Variants in NDUFB5 observed in about 807,000 individuals in gnomAD.
The protein encoded by NDUFB5 is NADH:ubiquinone oxidoreductase subunit B5, also known as NADH dehydrogenase [ubiquinone] 1 beta subcomplex subunit 5, mitochondrial.
Under a neutral mutation model 19.4 loss-of-function variants are expected in NDUFB5, and 19 were observed. The observed-to-expected ratio is 0.98, with a 90% CI of 0.68 to 1.43. The LOEUF is 1.43. Among genes scored for constraint, NDUFB5 ranks in the 40% most tolerant of loss-of-function variants. The probability of loss-of-function intolerance (pLI) is 0.00; values close to 1 mark genes in which losing one functional copy is unlikely to be tolerated. For synonymous variants in NDUFB5, 80 were observed against 82.6 expected (o/e 0.97, Z 0.17); for missense variants, 233 against 236.5 (o/e 0.99, Z 0.10).
Position 179,624,120 on chromosome 3 carries a change from C to T in NDUFB5, c.*80C>T, listed in dbSNP as rs565616650. The T allele has an allele frequency of 5.0e-5, 65 of 1,312,048 alleles. No individual in the cohort carries two copies. The highest frequency in any genetic ancestry group is 2.7e-4 in the Middle Eastern group (1 of 3,642). The allele number at this position is 1,312,048 out of a possible 1,614,324, so 81.3% of individuals were successfully genotyped here. ...AAATATATTCTGTATTTTTGCTCTC[C>T]GTGAAAAACAAAAGAGCCTCTGACA... On this transcript the variant is annotated 3_prime_UTR_variant, in exon 6 of 6. Transcript: ENST00000259037.
rs2339846 is a variant in NDUFB5 at position 179,624,859 on chromosome 3, T to A, written c.*819T>A. On this transcript the variant is annotated 3_prime_UTR_variant, in exon 6 of 6. Coordinates refer to ENST00000259037, the MANE Select transcript of NDUFB5 (RefSeq NM_002492.4). Reference sequence around the variant, plus strand: ...TCACCCAGGCTAGAGTGCAGTGCCGTGATCTCGGCTGCAACCTCCGCCTCC... The same window carrying A: ...TCACCCAGGCTAGAGTGCAGTGCCGAGATCTCGGCTGCAACCTCCGCCTCC... The A allele has an allele frequency of 1.4e-5, 2 of 147,688 alleles. No homozygotes were observed. Among genetic ancestry groups the A allele is most frequent in the Non-Finnish European group, 3.0e-5 (2 of 67,448 alleles). 9.1% of individuals were successfully genotyped at this position (147,688 alleles called of 1,614,324 possible). A position where few individuals can be genotyped will look rare whatever the true frequency, so the allele number is the denominator to read the frequency against.
At chr3:179,609,569 G>A (rs1719187121) in intron 1 of NDUFB5, among the ~76,000 whole-genome samples, 1 of 152,194 alleles carries the variant, frequency 6.6e-6, no homozygotes. Flanking sequence ...TGTCTCAGCA[G>A]AATTGCTTTC....
At chr3:179,608,345 C>T (rs1719157675) in intron 1 of NDUFB5, among the ~76,000 whole-genome samples, 1 of 152,046 alleles carries the variant, frequency 6.6e-6, no homozygotes, top group South Asian at 2.1e-4. Context: ...GTGCACACCT[C>T]CATGCCCGGC....
In NDUFB5 at chr3:179,623,904, G is replaced by T. The variant is rs756014784; in HGVS notation, c.450-16G>T. 10 of 1,613,236 alleles carry T rather than the reference G, an allele frequency of 6.2e-6. No homozygotes were observed. Among genetic ancestry groups the T allele is most frequent in the Non-Finnish European group, 8.5e-6 (10 of 1,179,716 alleles). On this transcript the variant is annotated splice_polypyrimidine_tract_variant and intron_variant, in intron 5 of 5. Coordinates refer to ENST00000259037, the MANE Select transcript of NDUFB5 (RefSeq NM_002492.4). ...GAAGTGCTGGAATCTCAATATTGCT[G>T]TTCCATTTGTTACAGGGTAAAGGAG...
intron 5 of NDUFB5, among the ~76,000 whole-genome samples, chr3:179,620,549 A>G (rs938193914): frequency 1.0e-3 from 152 of 152,154 alleles, no homozygotes; most frequent in African/African-American, 3.3e-3. Flanking sequence ...CTGTTCCATT[A>G]GTCTATATCT....
rs578190635 is a variant in NDUFB5 at position 179,616,203 on chromosome 3, C to G, written c.280+154C>G. On this transcript the variant is annotated intron_variant, in intron 3 of 5. Transcript: ENST00000259037. ...GCAGTTTATCTTAAAATAACCAAAT[C>G]TCAATCTGAACTAAGAATTTTTTAA... 9.2e-5 allele frequency among the ~76,000 whole-genome samples: 14 copies of G among 152,256 alleles called. No homozygotes were observed. The South Asian group carries it at 2.9e-3, about 32-fold the overall frequency.
At chr3:179,606,097 A>G (rs1247292363) in intron 1 of NDUFB5, among the ~76,000 whole-genome samples, 1 of 152,132 alleles carries the variant, frequency 6.6e-6, no homozygotes, top group Non-Finnish European at 1.5e-5. Flanking sequence ...TGACCAATAC[A>G]GTCTTAATAG....
chr3:179,618,319 TTATC>T (rs1719436215), intron 4 of NDUFB5, 92 bp from the exon 5 acceptor site: 1 of 710,616 alleles, frequency 1.4e-6, no homozygotes, highest in Non-Finnish European at 2.4e-6. Context: ...TGTTACTGGT[TTATC>T]TAACTGAAAT....
intron 4 of NDUFB5, 128 bp downstream of exon 4, chr3:179,617,172 C>T: frequency 1.6e-6 from 1 of 644,140 alleles, no homozygotes; most frequent in Non-Finnish European, 2.6e-6. Context: ...GCATCTCGCT[C>T]TGTTGCCCAG....
Position 179,617,008 on chromosome 3 carries a change from A to G in NDUFB5, c.306A>G (p.Pro102=), listed in dbSNP as rs374426031. 6.8e-6 allele frequency: 11 copies of G among 1,612,792 alleles called. No individual in the cohort carries two copies. In the African/African-American group the frequency reaches 9.3e-5, roughly 14 times the overall value. ...GTCAAGCTGAACTAGCAGAAATTCC[A>G]GAAGGCTATGTCCCAGAACACTGGG... ...FIGQAELAEI[P]EGYVPEHWEY... Residue 102 remains proline (P), a synonymous_variant, in exon 4 of 6, where the codon CCA becomes CCG. Transcript: ENST00000259037.
At chr3:179,623,858 G>A in intron 5 of NDUFB5, 62 bp from the exon 6 acceptor site, 1 of 1,592,146 alleles carries the variant, frequency 6.3e-7, no homozygotes. Flanking sequence ...TTATGGAAAT[G>A]GCTCATTAAA....
intron 5 of NDUFB5, 77 bp downstream of exon 5, chr3:179,618,598 A>T: frequency 2.1e-6 from 2 of 970,456 alleles, no homozygotes; most frequent in South Asian, 2.8e-5. Context: ...TAATAAAACT[A>T]TGAATATTTC....
At chr3:179,616,200 A>C (rs558128425) in intron 3 of NDUFB5, 151 bp downstream of exon 3, 1 of 650,368 alleles carries the variant, frequency 1.5e-6, no homozygotes, top group East Asian at 2.8e-5. Flanking sequence ...AAAATAACCA[A>C]ATCTCAATCT....
chr3:179,621,373 G>T (rs922249931), intron 5 of NDUFB5, among the ~76,000 whole-genome samples: 1 of 152,062 alleles, frequency 6.6e-6, no homozygotes, highest in African/African-American at 2.4e-5. Context: ...CACTGCACCT[G>T]GCTATGTGTA....
rs776738097 is a variant in NDUFB5 at position 179,614,982 on chromosome 3, C to A, written c.136C>A (p.His46Asn). ...GFPKAAAPVR[H>N]SGDHGKRLFV... ...TTCAATATTCCCAGCTCCTGTTCGA[C>A]ACAGTGGAGACCATGGGAAAAGACT... The change falls in exon 2 of 6, where the codon CAC becomes AAC. Residue 46 changes from histidine (H) to asparagine (N), a missense_variant. Transcript: ENST00000259037. 3.1e-5 allele frequency: 50 copies of A among 1,607,408 alleles called. No individual in the cohort carries two copies. The South Asian group carries it at 5.4e-4, about 17-fold the overall frequency.
intron 1 of NDUFB5, among the ~76,000 whole-genome samples, chr3:179,606,960 CCCT>C (rs1370582807): frequency 1.3e-5 from 2 of 152,172 alleles, no homozygotes; most frequent in Non-Finnish European, 2.9e-5. Flanking sequence ...TGATGAAAAT[CCCT>C]TTATAAGCCA....
intron 5 of NDUFB5, among the ~76,000 whole-genome samples, chr3:179,622,917 T>C (rs1291613504): frequency 2.0e-5 from 3 of 151,954 alleles, no homozygotes; most frequent in Non-Finnish European, 2.9e-5. Flanking sequence ...GACTTAGATA[T>C]GGAAGAGGGA....
chr3:179,621,761 G>A (rs1427914151), intron 5 of NDUFB5, among the ~76,000 whole-genome samples: 6 of 151,692 alleles, frequency 4.0e-5, no homozygotes, highest in South Asian at 2.1e-4. Context: ...GATTACATAC[G>A]TGAGCCACCA....
chr3:179,604,889 C>G lies in NDUFB5; in HGVS notation c.74C>G (p.Thr25Ser). The change falls in exon 1 of 6, where the codon ACT becomes AGT. Residue 25 changes from threonine to serine, a missense_variant. Coordinates refer to ENST00000259037, the MANE Select transcript of NDUFB5 (RefSeq NM_002492.4). Reference sequence around the variant, plus strand: ...GCTCTGTCTGGCCGGCCCCTTGGCACTCGCCTCGGATTTGGGGGCTTCCTC... The same window carrying G: ...GCTCTGTCTGGCCGGCCCCTTGGCAGTCGCCTCGGATTTGGGGGCTTCCTC... ...VAALSGRPLG[T>S]RLGFGGFLTR... The G allele has an allele frequency of 6.3e-7, 1 of 1,595,664 alleles. No homozygotes were observed. The highest frequency in any genetic ancestry group is 8.5e-7 in the Non-Finnish European group (1 of 1,175,026).
Sources: gnomAD v4.1 joint callset for allele counts (sites outside exome capture counted in the v4.1 genomes callset) on GRCh38, gnomAD v4.1.1 for gene constraint, MANE v1.5 for transcripts, NCBI Gene and HGNC (gene_info 2026-07-23, HGNC 2026-07-21) for gene names.